The following COG5 variants were observed in gnomAD, a reference collection of about 807,000 sequenced individuals.
COG5 encodes component of oligomeric golgi complex 5, also known as conserved oligomeric Golgi complex subunit 5.
Under a neutral mutation model 110.4 loss-of-function variants are expected in COG5, and 86 were observed. The observed-to-expected ratio is 0.78, with a 90% CI of 0.65 to 0.93. The LOEUF (loss-of-function observed/expected upper bound fraction) is 0.93. Ranked by LOEUF, COG5 falls within the 40% of genes least tolerant of loss-of-function variation. COG5 has a pLI of 0.00. For synonymous variants in COG5, 360 were observed against 334.6 expected (o/e 1.08, Z -0.83); for missense variants, 1,077 against 987.0 (o/e 1.09, Z -1.22).
chr7:107,544,801 T>C (rs1802299455), intron 5 of COG5, among the ~76,000 whole-genome samples: 1 of 152,192 alleles, frequency 6.6e-6, no homozygotes, highest in Admixed American at 6.5e-5. Context: ...ATATTGAGGT[T>C]TATGAGCTGC....
chr7:107,205,782 T>C (rs1584518665), intron 21 of COG5, among the ~76,000 whole-genome samples: 1 of 152,070 alleles, frequency 6.6e-6, no homozygotes, highest in Non-Finnish European at 1.5e-5. Context: ...GAAACCATCT[T>C]GGAGTCACAC....
intron 7 of COG5, among the ~76,000 whole-genome samples, chr7:107,387,209 C>T (rs957863029): frequency 6.6e-6 from 1 of 152,172 alleles, no homozygotes; most frequent in Non-Finnish European, 1.5e-5. Flanking sequence ...GGCTCTGCAG[C>T]GGGTAAGCTC....
At chr7:107,349,808 T>G (rs1811977251) in intron 10 of COG5, among the ~76,000 whole-genome samples, 1 of 152,186 alleles carries the variant, frequency 6.6e-6, no homozygotes, top group South Asian at 2.1e-4. Flanking sequence ...TCTGCCCGCC[T>G]TAGCCTCCCA....
intron 6 of COG5, chr7:107,473,948 T>C (rs995459221): frequency 5.4e-5 from 22 of 406,854 alleles, no homozygotes; most frequent in African/African-American, 8.2e-5. Context: ...AAGTACACAA[T>C]TGAAAGATTT....
chr7:107,467,475 A>G (rs1217012184), intron 6 of COG5, among the ~76,000 whole-genome samples: 2 of 152,076 alleles, frequency 1.3e-5, no homozygotes, highest in East Asian at 1.9e-4. Context: ...TCATTCCTCA[A>G]CCTCGCGAGG....
intron 12 of COG5, among the ~76,000 whole-genome samples, chr7:107,297,851 G>A (rs901011395): frequency 2.0e-5 from 3 of 151,858 alleles, no homozygotes; most frequent in Non-Finnish European, 4.4e-5. Context: ...TTATAACATC[G>A]ATTAAAATAC....
At chr7:107,494,200 A>G (rs569597182) in intron 6 of COG5, among the ~76,000 whole-genome samples, 52 of 152,326 alleles carry the variant, frequency 3.4e-4, no homozygotes, top group African/African-American at 1.3e-3. Flanking sequence ...ATTTAAATTT[A>G]CAATGCATAT....
chr7:107,521,190 G>A (rs1330832314), intron 6 of COG5, among the ~76,000 whole-genome samples: 8 of 152,002 alleles, frequency 5.3e-5, no homozygotes, highest in African/African-American at 1.7e-4. Context: ...GTATAAAAAC[G>A]CTAGATGAAA....
chr7:107,235,801 T>C lies in COG5; in HGVS notation c.2091+649A>G, dbSNP rs142395982. Among the ~76,000 whole-genome samples the C allele has an allele frequency of 9.9e-4, 151 of 152,362 alleles. 1 individual carries two copies. Among genetic ancestry groups the C allele is most frequent in the Middle Eastern group, 3.4e-3 (1 of 294 alleles). On this transcript the variant is annotated intron_variant, in intron 18 of 21. Coordinates refer to ENST00000297135, the MANE Select transcript of COG5 (RefSeq NM_006348.5). ...AAAGCATGTTTGGGGTTTTTCTTCA[T>C]TGCCTACTGAAAGGCTTTAAAAAAT...
intron 19 of COG5, among the ~76,000 whole-genome samples, chr7:107,227,573 T>C (rs527700750): frequency 9.8e-5 from 15 of 152,328 alleles, no homozygotes; most frequent in Non-Finnish European, 2.1e-4. Context: ...CTTAAATGGC[T>C]TAAAATAGAT....
At chr7:107,359,085 G>A (rs1369687857) in intron 10 of COG5, among the ~76,000 whole-genome samples, 1 of 152,162 alleles carries the variant, frequency 6.6e-6, no homozygotes, top group Non-Finnish European at 1.5e-5. Context: ...AGTTGGAGGG[G>A]TGGGACCCTG....
intron 10 of COG5, among the ~76,000 whole-genome samples, chr7:107,352,352 T>C (rs1488922514): frequency 2.7e-5 from 4 of 148,150 alleles, no homozygotes; most frequent in South Asian, 2.3e-4. Context: ...CTAATGCTAA[T>C]TGACAAGTTA....
At chr7:107,404,439 A>G (rs1005233900) in intron 7 of COG5, among the ~76,000 whole-genome samples, 1 of 152,226 alleles carries the variant, frequency 6.6e-6, no homozygotes, top group African/African-American at 2.4e-5. Context: ...AACATTATAC[A>G]TTTATTTTAA....
At chr7:107,551,859 T>C (rs538330870) in intron 3 of COG5, among the ~76,000 whole-genome samples, 174 of 152,268 alleles carry the variant, frequency 1.1e-3, no homozygotes, top group African/African-American at 4.0e-3. Flanking sequence ...CAAGTGAACC[T>C]CCCACCTTGG....
intron 6 of COG5, among the ~76,000 whole-genome samples, chr7:107,508,298 A>T (rs1799193138): frequency 6.6e-6 from 1 of 152,218 alleles, no homozygotes. Context: ...CAGCAGTCTG[A>T]GATCAAACTG....
At chr7:107,495,221 A>T (rs1798202150) in intron 6 of COG5, among the ~76,000 whole-genome samples, 1 of 152,312 alleles carries the variant, frequency 6.6e-6, no homozygotes, top group South Asian at 2.1e-4. Flanking sequence ...TAGGGAAGAA[A>T]CACACAAAGG....
rs115580530 is a variant in COG5 at position 107,378,651 on chromosome 7, G to A, written c.670-5891C>T. The stretch of plus-strand genomic sequence containing the variant: ...ATACACAAGTATCAACAGCCGAAAC[G>A]ATCAAGCGGAAGAAAAGATATAAAA... On this transcript the variant is annotated intron_variant, in intron 7 of 21. Coordinates refer to ENST00000297135, the MANE Select transcript of COG5 (RefSeq NM_006348.5). Among the ~76,000 whole-genome samples the A allele has an allele frequency of 4.3e-3, 656 of 152,230 alleles. 3 individuals carry two copies. The highest frequency in any genetic ancestry group is 0.015 in the African/African-American group (627 of 41,528).
chr7:107,280,280 A>C (rs752301979), intron 14 of COG5, among the ~76,000 whole-genome samples: 9 of 152,102 alleles, frequency 5.9e-5, no homozygotes, highest in Non-Finnish European at 1.2e-4. Context: ...CAAGACTACA[A>C]GATCAATTGA....
At chr7:107,419,398 T>C (rs1214424769) in intron 6 of COG5, among the ~76,000 whole-genome samples, 2 of 152,044 alleles carry the variant, frequency 1.3e-5, no homozygotes, top group Non-Finnish European at 2.9e-5. Context: ...CTAAAAATAA[T>C]TTCTTAACCT....
Sources: allele counts gnomAD v4.1 joint callset (sites outside exome capture counted in the v4.1 genomes callset), GRCh38; gene constraint gnomAD v4.1.1; transcripts MANE v1.5; gene names NCBI Gene and HGNC (gene_info 2026-07-23, HGNC 2026-07-21).